Variants in CEMIP2 observed in about 807,000 individuals in gnomAD.
CEMIP2 encodes cell migration inducing hyaluronidase 2.
CEMIP2 carries 79 observed loss-of-function variants against 146.9 expected under a neutral mutation model. The observed-to-expected ratio is 0.54, with a 90% CI of 0.45 to 0.65. The LOEUF (loss-of-function observed/expected upper bound fraction) is 0.65. CEMIP2 is among the 30% of genes least tolerant of loss of function. The pLI, the probability that CEMIP2 is intolerant of heterozygous loss-of-function variation, is 0.00. For synonymous variants in CEMIP2, 601 were observed against 606.3 expected, an observed-to-expected ratio of 0.99 and a Z score of 0.13; for missense variants, 1,596 against 1,696.2, an observed-to-expected ratio of 0.94 and a Z score of 1.04.
Position 71,728,077 on chromosome 9 carries a change from T to A in CEMIP2, c.2049+1768A>T, listed in dbSNP as rs369560263. On this transcript the variant is annotated intron_variant, in intron 10 of 23. Coordinates refer to ENST00000377044, the MANE Select transcript of CEMIP2 (RefSeq NM_013390.3). The stretch of plus-strand genomic sequence containing the variant: ...CTTCACCTCAAAAAAACAAAAAGAT[T>A]CATTTAGCCTGAGTATGGTGGCTCA... Among the ~76,000 whole-genome samples the A allele has an allele frequency of 1.1e-4, 16 of 148,444 alleles. 1 individual carries two copies. The East Asian group carries it at 1.6e-3, about 15-fold the overall frequency.
At chr9:71,696,275 C>T (rs1822397983) in intron 20 of CEMIP2, among the ~76,000 whole-genome samples, 1 of 152,072 alleles carries the variant, frequency 6.6e-6, no homozygotes. Context: ...TTTACTTCCC[C>T]ACAAAGACTA....
chr9:71,760,358 G>A (rs1824593599), intron 1 of CEMIP2, among the ~76,000 whole-genome samples: 2 of 152,150 alleles, frequency 1.3e-5, no homozygotes, highest in South Asian at 4.1e-4. Context: ...TCAAAACAAA[G>A]AGCTGCTATT....
chr9:71,762,525 A>T (rs1316972500), intron 1 of CEMIP2, among the ~76,000 whole-genome samples: 2 of 145,366 alleles, frequency 1.4e-5, no homozygotes, highest in African/African-American at 2.5e-5. Flanking sequence ...AAAAAAAAAA[A>T]ACTGGCTAGC....
intron 19 of CEMIP2, among the ~76,000 whole-genome samples, chr9:71,698,676 G>A (rs933396703): frequency 9.9e-5 from 15 of 152,208 alleles, no homozygotes; most frequent in Non-Finnish European, 2.2e-4. Context: ...CCAAGATAAA[G>A]TCTCAAATCA....
intron 4 of CEMIP2, among the ~76,000 whole-genome samples, chr9:71,744,717 A>T (rs1824022992): frequency 6.6e-6 from 1 of 152,234 alleles, no homozygotes; most frequent in Non-Finnish European, 1.5e-5. Context: ...AAGTATCTTC[A>T]GAGGCAAATT....
chr9:71,719,009 A>C (rs1424510676), intron 12 of CEMIP2, among the ~76,000 whole-genome samples: 2 of 152,246 alleles, frequency 1.3e-5, no homozygotes, highest in Non-Finnish European at 2.9e-5. Context: ...CACTATAACA[A>C]CTCAAATAGT....
At chr9:71,702,982 T>C (rs1822617141) in intron 18 of CEMIP2, among the ~76,000 whole-genome samples, 2 of 152,240 alleles carry the variant, frequency 1.3e-5, no homozygotes. Context: ...CTGATCACCC[T>C]TTGACATTTC....
chr9:71,689,984 C>T (rs1463651018), intron 22 of CEMIP2, 108 bp downstream of exon 22: 4 of 1,371,826 alleles, frequency 2.9e-6, no homozygotes, highest in Non-Finnish European at 3.0e-6. Flanking sequence ...TGCATAGTGC[C>T]CTGAATGTCC....
At chr9:71,752,718 C>T (rs1440241834) in intron 1 of CEMIP2, among the ~76,000 whole-genome samples, 1 of 152,026 alleles carries the variant, frequency 6.6e-6, no homozygotes, top group Non-Finnish European at 1.5e-5. Context: ...CATAAAGGTA[C>T]TTCCAAATTG....
At chr9:71,760,493 G>T (rs1460013056) in intron 1 of CEMIP2, among the ~76,000 whole-genome samples, 1 of 144,948 alleles carries the variant, frequency 6.9e-6, no homozygotes, top group African/African-American at 2.4e-5. Flanking sequence ...GGAGGCAGCT[G>T]TCTAATTTTT....
Position 71,700,713 on chromosome 9 carries a change from C to A in CEMIP2, c.3306G>T (p.Glu1102Asp). The A allele has an allele frequency of 1.2e-6, 2 of 1,613,922 alleles. No individual in the cohort carries two copies. The highest frequency in any genetic ancestry group is 1.7e-6 in the Non-Finnish European group (2 of 1,179,952). Residue 1102 changes from glutamate (E) to aspartate (D), a missense_variant, in exon 19 of 24, where the codon GAG becomes GAT. Transcript: ENST00000377044. ...GCAGTTCTTCCAGTGAATGCACAGG[C>A]TCATATTCTTCGATTTTGGATAATG... ...NGSLSKIEEY[E>D]PVHSLEELQR...
rs1179360217 is a variant in CEMIP2 at position 71,718,039 on chromosome 9, C to T, written c.2308G>A (p.Val770Ile). ...HQDANPEKPRVAALIDRLIAF... is the reference protein window; with the variant it reads ...HQDANPEKPRIAALIDRLIAF... ...ATGAGCCTGTCAATTAGAGCAGCAACACGTGGTTTTTCGGGGTTTGCATCC... is the reference window on the plus strand; with the variant it reads ...ATGAGCCTGTCAATTAGAGCAGCAATACGTGGTTTTTCGGGGTTTGCATCC... The change falls in exon 13 of 24, where the codon GTT becomes ATT. Residue 770 changes from valine to isoleucine, a missense_variant. Val to Ile is a conservative substitution (Grantham distance 29). Coordinates refer to ENST00000377044, the MANE Select transcript of CEMIP2 (RefSeq NM_013390.3). 6.2e-7 allele frequency: 1 copy of T among 1,612,814 alleles called. No individual in the cohort carries two copies. Among genetic ancestry groups the T allele is most frequent in the South Asian group, 1.1e-5 (1 of 90,812 alleles).
chr9:71,751,798 T>G (rs921548759), intron 1 of CEMIP2, among the ~76,000 whole-genome samples: 1 of 152,158 alleles, frequency 6.6e-6, no homozygotes, highest in Non-Finnish European at 1.5e-5. Flanking sequence ...GGCACTCAAG[T>G]TTGGGTGTTT....
At chr9:71,725,892 T>G (rs1823369965) in intron 10 of CEMIP2, among the ~76,000 whole-genome samples, 183 bp from the exon 11 acceptor site, 1 of 152,226 alleles carries the variant, frequency 6.6e-6, no homozygotes, top group South Asian at 2.1e-4. Context: ...ATCATGTATT[T>G]TTTTAAAAAA....
intron 5 of CEMIP2, among the ~76,000 whole-genome samples, chr9:71,738,701 G>A (rs1461976034): frequency 6.6e-6 from 1 of 152,104 alleles, no homozygotes; most frequent in African/African-American, 2.4e-5. Flanking sequence ...AGCCAGGCAT[G>A]GTGGTGGGTA....
intron 1 of CEMIP2, among the ~76,000 whole-genome samples, chr9:71,765,886 C>T (rs1433185363): frequency 6.6e-6 from 1 of 152,098 alleles, no homozygotes; most frequent in Non-Finnish European, 1.5e-5. Context: ...GTTGCAATTG[C>T]TTCCAGAGGG....
Position 71,712,607 on chromosome 9 carries a change from G to A in CEMIP2, c.2592-347C>T, listed in dbSNP as rs77962521. On this transcript the variant is annotated intron_variant, in intron 15 of 23. Coordinates refer to ENST00000377044, the MANE Select transcript of CEMIP2 (RefSeq NM_013390.3). ...TCAACTCAGTTAAGATCTTTTATTC[G>A]GAACCTCAGGTACTTTGGTCTTCGT... 8.9e-3 allele frequency among the ~76,000 whole-genome samples: 1,357 copies of A among 152,182 alleles called. 13 individuals carry two copies. Among genetic ancestry groups the A allele is most frequent in the Middle Eastern group, 0.02 (6 of 294 alleles).
rs1244914144 is a variant in CEMIP2 at position 71,732,489 on chromosome 9, G to T, written c.1425C>A (p.Ile475=). The T allele has an allele frequency of 6.8e-6, 11 of 1,612,022 alleles. No individual in the cohort carries two copies. Among genetic ancestry groups the T allele is most frequent in the Non-Finnish European group, 8.5e-6 (10 of 1,179,614 alleles). The change falls in exon 7 of 24, where the codon ATC becomes ATA. Residue 475 remains isoleucine, a synonymous_variant. Coordinates refer to ENST00000377044, the MANE Select transcript of CEMIP2 (RefSeq NM_013390.3). ...CAGCTCTCATGTCTACACCGTCTAT[G>T]ATCTCACCCATGTGCAGGAACTGAG... ...ETPQFLHMGE[I]IDGVDMRAEV... is the part of the protein sequence containing the mutation.
Position 71,690,091 on chromosome 9 carries a change from C to G in CEMIP2, c.3851+1G>C. ...CCTGTTACAGCACAAGCTTGACCTA[C>G]CTTGGAGGGATGCCTGTTTTTAAAT... On this transcript the variant is annotated splice_donor_variant, in intron 22 of 23. Coordinates refer to ENST00000377044, the MANE Select transcript of CEMIP2 (RefSeq NM_013390.3). LOFTEE classifies it high-confidence loss of function. 6.2e-7 allele frequency: 1 copy of G among 1,613,996 alleles called. No homozygotes were observed. Among genetic ancestry groups the G allele is most frequent in the Non-Finnish European group, 8.5e-7 (1 of 1,179,928 alleles).
Sources: allele counts gnomAD v4.1 joint callset (sites outside exome capture counted in the v4.1 genomes callset), GRCh38; gene constraint gnomAD v4.1.1; transcripts MANE v1.5; gene names NCBI Gene and HGNC (gene_info 2026-07-23, HGNC 2026-07-21).